The following RBFOX1 variants were observed in gnomAD, a reference collection of about 807,000 sequenced individuals.
RBFOX1 encodes RNA binding protein fox-1 homolog 1.
RBFOX1 carries 8 observed loss-of-function variants against 57.7 expected under a neutral mutation model. The observed-to-expected ratio is 0.14, with a 90% confidence interval of 0.08 to 0.25. RBFOX1 has a LOEUF of 0.25. Among genes scored for constraint, RBFOX1 ranks in the 10% least tolerant of loss-of-function variants. The probability of loss-of-function intolerance (pLI) is 1.00; values close to 1 mark genes in which losing one functional copy is unlikely to be tolerated. For synonymous variants in RBFOX1, 326 were observed against 222.4 expected (o/e 1.47, Z -4.15); for missense variants, 611 against 548.5 (o/e 1.11, Z -1.14).
At chr16:5,560,741 T>C (rs1487800523) in intron 2 of RBFOX1, among the ~76,000 whole-genome samples, 1 of 152,326 alleles carries the variant, frequency 6.6e-6, no homozygotes, top group East Asian at 1.9e-4. Flanking sequence ...GGACCTGCTA[T>C]TGGACTTCTC....
intron 4 of RBFOX1, among the ~76,000 whole-genome samples, chr16:7,244,915 A>G (rs1406530135): frequency 6.6e-6 from 1 of 152,176 alleles, no homozygotes; most frequent in Non-Finnish European, 1.5e-5. Flanking sequence ...GCTAATTGGT[A>G]ATTGGTGTTT....
At chr16:6,503,086 C>G (rs1192988182) in intron 2 of RBFOX1, among the ~76,000 whole-genome samples, 1 of 152,122 alleles carries the variant, frequency 6.6e-6, no homozygotes, top group Non-Finnish European at 1.5e-5. Flanking sequence ...TGGATATATT[C>G]TCAACAGACC....
At chr16:5,692,958 G>T (rs2151464148) in intron 3 of RBFOX1, among the ~76,000 whole-genome samples, 1 of 152,294 alleles carries the variant, frequency 6.6e-6, no homozygotes, top group Admixed American at 6.5e-5. Flanking sequence ...CATTTAGACG[G>T]CTTTGCAAAC....
chr16:6,229,869 T>A (rs1479203814), intron 1 of RBFOX1, among the ~76,000 whole-genome samples: 2 of 152,152 alleles, frequency 1.3e-5, no homozygotes, highest in Admixed American at 6.5e-5. Context: ...TGATAGAATG[T>A]GGCATGTAGC....
intron 3 of RBFOX1, among the ~76,000 whole-genome samples, chr16:6,957,116 T>TTTTATTTATTTATTTATTTA (rs59003078): frequency 0.097 from 13,445 of 139,060 alleles, 756 homozygotes; most frequent in South Asian, 0.14. Context: ...TTATTTTTAT[T>TTTTATTTATTTATTTATTTA]TTTATTTATT....
chr16:5,707,698 A>G (rs2051304955), intron 3 of RBFOX1, among the ~76,000 whole-genome samples: 1 of 152,230 alleles, frequency 6.6e-6, no homozygotes, highest in South Asian at 2.1e-4. Flanking sequence ...TTCTATGAGC[A>G]GGAATAGCCT....
intron 3 of RBFOX1, among the ~76,000 whole-genome samples, chr16:6,894,530 G>A (rs991349085): frequency 6.6e-6 from 1 of 152,144 alleles, no homozygotes; most frequent in Admixed American, 6.6e-5. Flanking sequence ...ATCCCAACTA[G>A]AGGTACTCCC....
rs993225669 is a variant in RBFOX1 at position 7,232,501 on chromosome 16, C to T, written c.27+180403C>T. On this transcript the variant is annotated intron_variant, in intron 4 of 15. Transcript: ENST00000550418. ...GCAAATACCTCCCCACACACATATG[C>T]CCACTTGTACCCACGTAATTCTTAT... 2.6e-5 allele frequency among the ~76,000 whole-genome samples: 4 copies of T among 152,100 alleles called. 1 individual carries two copies. Among genetic ancestry groups the T allele is most frequent in the Non-Finnish European group, 5.9e-5 (4 of 68,034 alleles).
intron 5 of RBFOX1, among the ~76,000 whole-genome samples, chr16:7,522,917 C>A (rs2077825235): frequency 6.6e-6 from 1 of 152,140 alleles, no homozygotes; most frequent in South Asian, 2.1e-4. Context: ...GCATGCACAA[C>A]CATTACTGCT....
chr16:5,598,779 G>A lies in RBFOX1; in HGVS notation c.259-123G>A, dbSNP rs2047270338. 3 of 709,328 alleles carry A rather than the reference G, an allele frequency of 4.2e-6. No individual in the cohort carries two copies. The African/African-American group carries it at 5.4e-5, about 13-fold the overall frequency. The allele number at this position is 709,328 out of a possible 1,614,324, so 43.9% of individuals were successfully genotyped here. A position where few individuals can be genotyped will look rare whatever the true frequency, so the allele number is the denominator to read the frequency against. Reference sequence around the variant, plus strand: ...GCAGGGGATGGGTGGAGAGACAGAGGGTACTGTGGCTAAACGTGGTGAGAC... The same window carrying A: ...GCAGGGGATGGGTGGAGAGACAGAGAGTACTGTGGCTAAACGTGGTGAGAC... On this transcript the variant is annotated intron_variant, in intron 2 of 2. Transcript: ENST00000585867.
intron 4 of RBFOX1, among the ~76,000 whole-genome samples, chr16:7,328,431 G>T (rs550492860): frequency 7.7e-6 from 1 of 129,196 alleles, no homozygotes; most frequent in South Asian, 2.6e-4. Flanking sequence ...AGTGAGCTGA[G>T]ATCATGCCAT....
intron 4 of RBFOX1, among the ~76,000 whole-genome samples, chr16:7,376,493 G>C (rs2097688258): frequency 6.6e-6 from 1 of 152,146 alleles, no homozygotes; most frequent in African/African-American, 2.4e-5. Flanking sequence ...ATTAGAAGTT[G>C]GTGAGTGTTT....
chr16:6,281,864 C>G (rs1275742116), intron 1 of RBFOX1, among the ~76,000 whole-genome samples: 1 of 152,080 alleles, frequency 6.6e-6, no homozygotes, highest in Non-Finnish European at 1.5e-5. Flanking sequence ...CTGACTTGAT[C>G]CAGGTTGGAA....
chr16:6,827,553 C>T (rs1014120141), intron 3 of RBFOX1, among the ~76,000 whole-genome samples: 24 of 152,238 alleles, frequency 1.6e-4, no homozygotes, highest in African/African-American at 5.5e-4. Context: ...TGTTCTCCAG[C>T]GCTTTCAAAA....
intron 4 of RBFOX1, among the ~76,000 whole-genome samples, chr16:5,936,800 G>C (rs2059177107): frequency 6.6e-6 from 1 of 152,162 alleles, no homozygotes; most frequent in Admixed American, 6.5e-5. Context: ...AGCAGAGACA[G>C]CACATGCCAA....
At chr16:5,265,190 A>G (rs1423062592) in intron 1 of RBFOX1, among the ~76,000 whole-genome samples, 1 of 152,224 alleles carries the variant, frequency 6.6e-6, no homozygotes, top group Admixed American at 6.5e-5. Flanking sequence ...AGACCAGGTT[A>G]TTTTATCAGC....
intron 2 of RBFOX1, among the ~76,000 whole-genome samples, chr16:6,438,687 C>T (rs2094300701): frequency 6.6e-6 from 1 of 152,178 alleles, no homozygotes; most frequent in African/African-American, 2.4e-5. Context: ...AGGGCAAAGT[C>T]AAGAGGCAGA....
At chr16:6,695,769 C>G (rs185136854) in intron 3 of RBFOX1, among the ~76,000 whole-genome samples, 1 of 152,144 alleles carries the variant, frequency 6.6e-6, no homozygotes, top group African/African-American at 2.4e-5. Flanking sequence ...CTTCTTGTAG[C>G]AAAAGTAAAT....
At chr16:7,228,015 G>A (rs956759087) in intron 4 of RBFOX1, among the ~76,000 whole-genome samples, 4 of 152,102 alleles carry the variant, frequency 2.6e-5, no homozygotes, top group African/African-American at 9.7e-5. Context: ...CAGGATACCA[G>A]TAGCACCCAC....
Sources: gnomAD v4.1 joint callset for allele counts (sites outside exome capture counted in the v4.1 genomes callset) on GRCh38, gnomAD v4.1.1 for gene constraint, MANE v1.5 for transcripts, NCBI Gene and HGNC (gene_info 2026-07-23, HGNC 2026-07-21) for gene names.